Variants in SLC36A4 observed in about 807,000 individuals in gnomAD.
SLC36A4 encodes neutral amino acid uniporter 4.
A neutral mutation model predicts 50.5 loss-of-function variants in SLC36A4; 49 were observed. That is an observed-to-expected ratio of 0.97 (90% CI 0.77 to 1.23). The LOEUF (loss-of-function observed/expected upper bound fraction) is 1.23. SLC36A4 is among the 50% of genes most tolerant of loss of function. The pLI, the probability that SLC36A4 is intolerant of heterozygous loss-of-function variation, is 0.00. For missense variants in SLC36A4, 611 were observed against 608.4 expected (o/e 1.00, Z -0.05); for synonymous variants, 207 against 206.5 (o/e 1.00, Z -0.02).
rs571114735 is a variant in SLC36A4 at position 93,169,291 on chromosome 11, A to AT, written c.541-1121dup. On this transcript the variant is annotated intron_variant, in intron 6 of 10. Coordinates refer to ENST00000326402, the MANE Select transcript of SLC36A4 (RefSeq NM_152313.4). ...TGAGGAACCTGAGGCTTAGAGAAAT[A>AT]TTTTTTTTAAATCTTGCGTAATATC... Among the ~76,000 whole-genome samples the AT allele has an allele frequency of 1.0e-3, 152 of 152,020 alleles. 1 individual carries two copies. Among genetic ancestry groups the AT allele is most frequent in the African/African-American group, 3.3e-3 (138 of 41,488 alleles).
chr11:93,195,931 C>T (rs1352362167), intron 1 of SLC36A4, among the ~76,000 whole-genome samples: 1 of 152,104 alleles, frequency 6.6e-6, no homozygotes, highest in Non-Finnish European at 1.5e-5. Context: ...TCTTGTTTTC[C>T]ATAGCACTTT....
Position 93,162,870 on chromosome 11 carries a change from A to T in SLC36A4, c.873T>A (p.Leu291=), listed in dbSNP as rs777638128. The change falls in exon 9 of 11, where the codon CTT becomes CTA. Residue 291 remains leucine, a synonymous_variant. Transcript: ENST00000326402. ...ATTCTTTCATTTGGTTTTCCAGTGG[A>T]AGGACCTAAGAAAAGAATACAATAC... ...VFAFEGIGVV[L]PLENQMKESK... is the part of the protein sequence containing the mutation. 3 of 1,612,410 alleles carry T rather than the reference A, an allele frequency of 1.9e-6. No individual in the cohort carries two copies. The South Asian group carries it at 3.3e-5, about 18-fold the overall frequency.
chr11:93,149,156 A>G lies in SLC36A4; in HGVS notation c.1208-312T>C, dbSNP rs560635690. ...GATAGTTTATTTCCAGAGCATTTGC[A>G]TTACTTTGTCTGCCCATACAGCTCA... On this transcript the variant is annotated intron_variant, in intron 10 of 10. Coordinates refer to ENST00000326402, the MANE Select transcript of SLC36A4 (RefSeq NM_152313.4). 3.5e-4 allele frequency among the ~76,000 whole-genome samples: 54 copies of G among 152,182 alleles called. 1 individual carries two copies. The South Asian group carries it at 9.7e-3, about 27-fold the overall frequency.
chr11:93,146,188 C>A lies in SLC36A4; in HGVS notation c.*2349G>T, dbSNP rs773069854. On this transcript the variant is annotated 3_prime_UTR_variant, in exon 11 of 11. Coordinates refer to ENST00000326402, the MANE Select transcript of SLC36A4 (RefSeq NM_152313.4). ...ATTTATTGCTATGATCAATTTTATT[C>A]AAATTTCATTGCATTTGATGAATTC... 6.6e-6 allele frequency: 1 copy of A among 151,932 alleles called. No individual in the cohort carries two copies. Among genetic ancestry groups the A allele is most frequent in the African/African-American group, 2.4e-5 (1 of 41,426 alleles). 9.4% of individuals were successfully genotyped at this position (151,932 alleles called of 1,614,324 possible).
chr11:93,197,476 C>T (rs1591000690), intron 1 of SLC36A4: 2 of 478,104 alleles, frequency 4.2e-6, no homozygotes, highest in East Asian at 7.4e-5. Flanking sequence ...ACGGCGCAGG[C>T]TCTTGCGTCT....
chr11:93,164,013 A>G (rs1860752107), intron 8 of SLC36A4, among the ~76,000 whole-genome samples: 1 of 151,990 alleles, frequency 6.6e-6, no homozygotes, highest in Non-Finnish European at 1.5e-5. Context: ...CTCATCTTGC[A>G]TTTCCTTGCT....
chr11:93,163,901 T>C lies in SLC36A4; in HGVS notation c.868-1026A>G, dbSNP rs184022503. Reference sequence around the variant, plus strand: ...ACTCATATTATTCCACTTTTGCCCATTGTAAATTCCATCAGGTTGGCTTCT... The same window carrying C: ...ACTCATATTATTCCACTTTTGCCCACTGTAAATTCCATCAGGTTGGCTTCT... On this transcript the variant is annotated intron_variant, in intron 8 of 10. Coordinates refer to ENST00000326402, the MANE Select transcript of SLC36A4 (RefSeq NM_152313.4). 3.0e-3 allele frequency among the ~76,000 whole-genome samples: 462 copies of C among 152,282 alleles called. 11 individuals are homozygous for C. The highest frequency in any genetic ancestry group is 0.027 in the Admixed American group (414 of 15,290).
intron 3 of SLC36A4, among the ~76,000 whole-genome samples, chr11:93,183,108 G>C (rs1861807349): frequency 6.6e-6 from 1 of 152,120 alleles, no homozygotes; most frequent in South Asian, 2.1e-4. Context: ...TATTAACATA[G>C]CTACTCAAAC....
intron 1 of SLC36A4, among the ~76,000 whole-genome samples, chr11:93,196,877 A>G (rs887118446): frequency 1.3e-5 from 2 of 152,248 alleles, no homozygotes; most frequent in African/African-American, 2.4e-5. Context: ...TGAGGATTAA[A>G]GACAATGCAT....
intron 7 of SLC36A4, chr11:93,166,841 A>C (rs2134657855): frequency 6.6e-6 from 1 of 152,304 alleles, no homozygotes; most frequent in East Asian, 1.9e-4. Flanking sequence ...TATCTGAAGC[A>C]TAGATAGAAC....
Position 93,167,944 on chromosome 11 carries a change from C to A in SLC36A4, c.768G>T (p.Arg256Ser). 1 of 1,591,336 alleles carries A rather than the reference C, an allele frequency of 6.3e-7. No individual in the cohort carries two copies. The highest frequency in any genetic ancestry group is 1.8e-5 in the Admixed American group (1 of 55,448). ...TTAGTTAAAAACTTTTTATACTTAC[C>A]CTGACAACATACTGGTAAATTATCA... ...SLVIIYQYVV[R>S]NMPDPHNLPI... The change falls in exon 7 of 11, where the codon AGG becomes AGT. Residue 256 changes from arginine (R) to serine (S), a missense_variant and splice_region_variant. Physicochemically the swap from Arg to Ser is moderately radical, Grantham distance 110. Coordinates refer to ENST00000326402, the MANE Select transcript of SLC36A4 (RefSeq NM_152313.4).
At chr11:93,168,676 T>A (rs1022664352) in intron 6 of SLC36A4, among the ~76,000 whole-genome samples, 1 of 152,156 alleles carries the variant, frequency 6.6e-6, no homozygotes, top group Non-Finnish European at 1.5e-5. Context: ...AAAACTCTTA[T>A]AAAGCAATTA....
intron 1 of SLC36A4, among the ~76,000 whole-genome samples, chr11:93,193,244 G>T (rs1862287849): frequency 6.6e-6 from 1 of 152,100 alleles, no homozygotes; most frequent in Non-Finnish European, 1.5e-5. Context: ...AGGAAATAGA[G>T]ATTAGTGAGG....
At chr11:93,185,544 C>T in intron 2 of SLC36A4, 147 bp downstream of exon 2, 1 of 672,116 alleles carries the variant, frequency 1.5e-6, no homozygotes, top group Non-Finnish European at 2.3e-6. Flanking sequence ...GCATTTCTTT[C>T]CCAAATAGAC....
intron 1 of SLC36A4, among the ~76,000 whole-genome samples, chr11:93,190,034 C>T (rs1862148441): frequency 6.6e-6 from 1 of 152,150 alleles, no homozygotes; most frequent in African/African-American, 2.4e-5. Flanking sequence ...AACAAACTCA[C>T]ATTGTTTAGC....
chr11:93,160,222 A>G, intron 9 of SLC36A4: 1 of 985,434 alleles, frequency 1.0e-6, no homozygotes, highest in Non-Finnish European at 1.2e-6. Context: ...CCACACAGAA[A>G]CAGACTATAG....
intron 10 of SLC36A4, chr11:93,152,362 A>C (rs1565214380): frequency 6.6e-6 from 1 of 152,116 alleles, no homozygotes; most frequent in Non-Finnish European, 1.5e-5. Context: ...TTTTGCCATG[A>C]ATATCAGTTG....
chr11:93,188,498 C>T (rs1402168771), intron 1 of SLC36A4, among the ~76,000 whole-genome samples: 1 of 152,084 alleles, frequency 6.6e-6, no homozygotes, highest in Non-Finnish European at 1.5e-5. Flanking sequence ...TCAAAGTTCC[C>T]AACTTTTCTT....
chr11:93,173,929 G>T, intron 6 of SLC36A4, among the ~76,000 whole-genome samples: 1 of 142,388 alleles, frequency 7.0e-6, no homozygotes, highest in Non-Finnish European at 1.5e-5. Flanking sequence ...TGGCGATGCG[G>T]GCTCTTTTTT....
Sources: gnomAD v4.1 joint callset for allele counts (sites outside exome capture counted in the v4.1 genomes callset) on GRCh38, gnomAD v4.1.1 for gene constraint, MANE v1.5 for transcripts, NCBI Gene and HGNC (gene_info 2026-07-23, HGNC 2026-07-21) for gene names.